Variants in ZNF431 observed in about 807,000 individuals in gnomAD.
ZNF431 encodes the protein zinc finger protein 431.
In ZNF431, 34 loss-of-function variants were observed where a neutral mutation model predicts 57.0. The observed-to-expected ratio is 0.60, with a 90% CI of 0.45 to 0.79. The LOEUF (loss-of-function observed/expected upper bound fraction) is 0.79, where lower values mean the gene tolerates loss of function less well. Ranked by LOEUF, ZNF431 falls within the 30% of genes least tolerant of loss-of-function variation. The probability of loss-of-function intolerance (pLI) is 0.00; values close to 1 mark genes in which losing one functional copy is unlikely to be tolerated. For missense variants in ZNF431, 607 were observed against 667.1 expected, an observed-to-expected ratio of 0.91 and a Z score of 0.99; for synonymous variants, 207 against 220.3, an observed-to-expected ratio of 0.94 and a Z score of 0.54.
chr19:21,153,793 C>T (rs745911503), intron 2 of ZNF431, among the ~76,000 whole-genome samples: 19 of 152,066 alleles, frequency 1.2e-4, no homozygotes, highest in Admixed American at 3.9e-4. Context: ...CTTGGCTCAC[C>T]GCAACCTCTG....
At chr19:21,181,043 G>A (rs1049398441) in intron 4 of ZNF431, among the ~76,000 whole-genome samples, 2 of 150,910 alleles carry the variant, frequency 1.3e-5, no homozygotes, top group African/African-American at 4.9e-5. Flanking sequence ...TATATTTTAT[G>A]TTGTATATTT....
At chr19:21,178,437 A>G (rs950057150) in intron 4 of ZNF431, among the ~76,000 whole-genome samples, 3 of 151,980 alleles carry the variant, frequency 2.0e-5, no homozygotes, top group Non-Finnish European at 4.4e-5. Context: ...TATATCGGCT[A>G]TGGGTTTGTC....
intron 2 of ZNF431, among the ~76,000 whole-genome samples, chr19:21,144,673 G>A (rs1970034063): frequency 1.3e-5 from 2 of 152,016 alleles, no homozygotes; most frequent in South Asian, 4.1e-4. Flanking sequence ...CATTCAAACA[G>A]AATTCCAAGG....
At chr19:21,173,182 T>C (rs1970956025) in intron 4 of ZNF431, among the ~76,000 whole-genome samples, 1 of 152,250 alleles carries the variant, frequency 6.6e-6, no homozygotes, top group Non-Finnish European at 1.5e-5. Context: ...GATGTGTTTA[T>C]AAATTAAGAG....
chr19:21,166,317 T>G lies in ZNF431; in HGVS notation c.97-18T>G. Reference sequence around the variant, plus strand: ...CACTTGGTAAATATATGTGTGTCTCTGTGCTTGTGTTTTTCAGGAGACATT... The same window carrying G: ...CACTTGGTAAATATATGTGTGTCTCGGTGCTTGTGTTTTTCAGGAGACATT... On this transcript the variant is annotated intron_variant, in intron 2 of 4. Coordinates refer to ENST00000311048, the MANE Select transcript of ZNF431 (RefSeq NM_133473.4). The G allele has an allele frequency of 1.2e-6, 2 of 1,610,536 alleles. No homozygotes were observed.
chr19:21,150,092 G>C (rs1392002596), intron 2 of ZNF431: 2 of 639,476 alleles, frequency 3.1e-6, no homozygotes, highest in East Asian at 3.5e-5. Flanking sequence ...TTTCTTCTCG[G>C]CCCGGGCCAA....
chr19:21,195,492 G>A lies in ZNF431; in HGVS notation c.*11458G>A, dbSNP rs1423110992. Reference sequence around the variant, plus strand: ...TGGGCGATTGAATAGTTGGGCTTTGGCTAATTCCTCATTAGCAATAGAATT... The same window carrying A: ...TGGGCGATTGAATAGTTGGGCTTTGACTAATTCCTCATTAGCAATAGAATT... On this transcript the variant is annotated 3_prime_UTR_variant, in exon 5 of 5. Coordinates refer to ENST00000311048, the MANE Select transcript of ZNF431 (RefSeq NM_133473.4). 1 of 152,090 alleles carries A rather than the reference G, an allele frequency of 6.6e-6. No individual in the cohort carries two copies. The highest frequency in any genetic ancestry group is 1.5e-5 in the Non-Finnish European group (1 of 68,006). 9.4% of individuals were successfully genotyped at this position (152,090 alleles called of 1,614,324 possible). A position where few individuals can be genotyped will look rare whatever the true frequency, so the allele number is the denominator to read the frequency against.
intron 2 of ZNF431, among the ~76,000 whole-genome samples, chr19:21,153,739 A>T (rs929027048): frequency 6.6e-6 from 1 of 152,074 alleles, no homozygotes; most frequent in Admixed American, 6.5e-5. Context: ...TTTTTGAGAC[A>T]AAGTTTCGCT....
chr19:21,183,390 A>G lies in ZNF431; in HGVS notation c.1087A>G (p.Lys363Glu). The change falls in exon 5 of 5, where the codon AAG becomes GAG. Residue 363 changes from lysine (K) to glutamate (E), a missense_variant. Coordinates refer to ENST00000311048, the MANE Select transcript of ZNF431 (RefSeq NM_133473.4). Reference sequence around the variant, plus strand: ...TCGATTCTCATACCTTACTAAACATAAGATAATTCATACTGGAGAAAAATC... The same window carrying G: ...TCGATTCTCATACCTTACTAAACATGAGATAATTCATACTGGAGAAAAATC... Reference protein sequence around the residue: ...FNRFSYLTKHKIIHTGEKSYK... With the variant: ...FNRFSYLTKHEIIHTGEKSYK... The G allele has an allele frequency of 6.2e-7, 1 of 1,613,664 alleles. No individual in the cohort carries two copies. The highest frequency in any genetic ancestry group is 8.5e-7 in the Non-Finnish European group (1 of 1,179,756).
Position 21,183,170 on chromosome 19 carries a change from A to C in ZNF431, c.867A>C (p.Arg289Ser). The C allele has an allele frequency of 6.2e-7, 1 of 1,614,038 alleles. No individual in the cohort carries two copies. Among genetic ancestry groups the C allele is most frequent in the Non-Finnish European group, 8.5e-7 (1 of 1,179,948 alleles). Residue 289 changes from arginine to serine, a missense_variant, in exon 5 of 5, where the codon AGA becomes AGC. Coordinates refer to ENST00000311048, the MANE Select transcript of ZNF431 (RefSeq NM_133473.4). ...KIIHTGEKPY[R>S]CEECGKAFNR... ...TTCATACTGGGGAGAAACCATATAG[A>C]TGTGAAGAATGTGGCAAAGCCTTCA...
chr19:21,176,509 C>T (rs1940542231), intron 4 of ZNF431, among the ~76,000 whole-genome samples: 2 of 151,970 alleles, frequency 1.3e-5, no homozygotes, highest in African/African-American at 2.4e-5. Flanking sequence ...TCCCAAAGTG[C>T]TGGGATTATA....
intron 2 of ZNF431, among the ~76,000 whole-genome samples, chr19:21,159,370 TTTGTTG>T (rs57605382): frequency 6.6e-6 from 1 of 150,914 alleles, no homozygotes; most frequent in Non-Finnish European, 1.5e-5. Context: ...TACTATTCTT[TTTGTTG>T]TTGTTGTTGT....
rs1970003558 is a variant in ZNF431 at position 21,143,651 on chromosome 19, C to G, written c.96+8C>G. On this transcript the variant is annotated splice_region_variant and intron_variant, in intron 2 of 4. Coordinates refer to ENST00000311048, the MANE Select transcript of ZNF431 (RefSeq NM_133473.4). ...TACTCTTATTTTGAAAAGGTAACCT[C>G]TTGAGACATTAAAATTGTCTACGCC... 1 of 1,608,066 alleles carries G rather than the reference C, an allele frequency of 6.2e-7. No individual in the cohort carries two copies. The highest frequency in any genetic ancestry group is 1.7e-5 in the Admixed American group (1 of 59,764).
chr19:21,165,748 A>G (rs1262355876), intron 2 of ZNF431, among the ~76,000 whole-genome samples: 1 of 151,530 alleles, frequency 6.6e-6, no homozygotes, highest in African/African-American at 2.4e-5. Context: ...CTGTCTTTGG[A>G]AAATGAAGAC....
chr19:21,162,770 A>G (rs758815177), intron 2 of ZNF431: 12 of 985,342 alleles, frequency 1.2e-5, no homozygotes, highest in Non-Finnish European at 1.4e-5. Flanking sequence ...TGAGAAAAAT[A>G]AACTGTATAT....
intron 4 of ZNF431, among the ~76,000 whole-genome samples, chr19:21,182,069 G>GT (rs1436099521): frequency 1.3e-5 from 2 of 151,856 alleles, no homozygotes; most frequent in African/African-American, 4.8e-5. Flanking sequence ...GTCATTTGCT[G>GT]TATCTGTTCC....
chr19:21,163,806 C>T (rs1233807139), intron 2 of ZNF431, among the ~76,000 whole-genome samples: 3 of 152,138 alleles, frequency 2.0e-5, no homozygotes, highest in Admixed American at 2.0e-4. Context: ...AGGCGTGAGT[C>T]ACTGCTCCTG....
chr19:21,175,526 C>T (rs867065418), intron 4 of ZNF431: 79 of 665,832 alleles, frequency 1.2e-4, no homozygotes, highest in Middle Eastern at 7.7e-4. Flanking sequence ...ACCTATTAAC[C>T]TCTCACCTCG....
At chr19:21,162,630 T>C (rs1970607916) in intron 2 of ZNF431, 3 of 743,934 alleles carry the variant, frequency 4.0e-6, no homozygotes, top group Non-Finnish European at 4.9e-6. Context: ...GGAGCCCTTA[T>C]TTAGGTCTGG....
Sources: gnomAD v4.1 joint callset for allele counts (sites outside exome capture counted in the v4.1 genomes callset) on GRCh38, gnomAD v4.1.1 for gene constraint, MANE v1.5 for transcripts, NCBI Gene and HGNC (gene_info 2026-07-23, HGNC 2026-07-21) for gene names.